Variants in SCN2A observed in about 807,000 individuals in gnomAD.
SCN2A encodes sodium voltage-gated channel alpha subunit 2, also known as sodium channel protein type 2 subunit alpha.
A neutral mutation model predicts 188.7 loss-of-function variants in SCN2A; 20 were observed. That is an observed-to-expected ratio of 0.11 (90% confidence interval 0.07 to 0.15). The LOEUF (loss-of-function observed/expected upper bound fraction) is 0.15. Ranked by LOEUF, SCN2A falls within the 10% of genes least tolerant of loss-of-function variation. The pLI is 1.00. For synonymous variants in SCN2A, 804 were observed against 833.1 expected (o/e 0.97, Z 0.60); for missense variants, 1,278 against 2,445.0 (o/e 0.52, Z 10.07).
At chr2:165,268,495 T>TA (rs1354679884) in intron 1 of SCN2A, 1 of 151,772 alleles carries the variant, frequency 6.6e-6, no homozygotes, top group African/African-American at 2.4e-5. Flanking sequence ...CCCTTTATGG[T>TA]AAAAAATCCT....
intron 6 of SCN2A, among the ~76,000 whole-genome samples, chr2:165,309,904 A>G (rs966617616): frequency 6.6e-6 from 1 of 152,168 alleles, no homozygotes; most frequent in African/African-American, 2.4e-5. Context: ...ATTCACAAAT[A>G]TATAACCTCA....
At chr2:165,282,085 TCTG>T (rs1695607205) in intron 1 of SCN2A, among the ~76,000 whole-genome samples, 1 of 152,160 alleles carries the variant, frequency 6.6e-6, no homozygotes, top group African/African-American at 2.4e-5. Flanking sequence ...ATGTCTGTGT[TCTG>T]CTGCCCTTAA....
At position 165,291,525 on chromosome 2, in the gene SCN2A, T is replaced by C. The variant is rs533605718; in HGVS notation, c.-51-4248T>C. On this transcript the variant is annotated intron_variant, in intron 1 of 26. Coordinates refer to ENST00000375437, the MANE Select transcript of SCN2A (RefSeq NM_001040142.2). Reference sequence around the variant, plus strand: ...TTTCTTTCTTTCTTCCTCTCCTTTCTTTCCTTCCTTCCTTCCTTCCTTCCT... The same window carrying C: ...TTTCTTTCTTTCTTCCTCTCCTTTCCTTCCTTCCTTCCTTCCTTCCTTCCT... Among the ~76,000 whole-genome samples, 37 of 58,598 alleles carry C rather than the reference T, an allele frequency of 6.3e-4. 3 individuals carry two copies. Among genetic ancestry groups the C allele is most frequent in the African/African-American group, 2.4e-3 (30 of 12,586 alleles). The allele number at this position is 58,598 out of a possible 152,430, so 38.4% of individuals were successfully genotyped here.
At chr2:165,254,913 A>G (rs1407233969) in intron 1 of SCN2A, among the ~76,000 whole-genome samples, 1 of 151,796 alleles carries the variant, frequency 6.6e-6, no homozygotes, top group Non-Finnish European at 1.5e-5. Context: ...ATTTGTGTTG[A>G]GATATGTTTT....
In SCN2A at chr2:165,326,925, A is replaced by T; in HGVS notation, c.2090A>T (p.Asp697Val). Residue 697 changes from aspartate to valine, a missense_variant, in exon 13 of 27, where the codon GAT becomes GTT. Asp to Val is a radical substitution (Grantham distance 152, BLOSUM62 -3). This residue lies in a region of SCN2A where 315 missense variants were observed against 386.6 expected (regional missense o/e 0.81). Coordinates refer to ENST00000375437, the MANE Select transcript of SCN2A (RefSeq NM_001040142.2). The part of the protein sequence containing the change: ...SYHVSMDLLE[D>V]PTSRQRAMSI... ...CATGTTTCCATGGATTTATTGGAAG[A>T]TCCTACATCAAGGCAAAGAGCAATG... 6.2e-7 allele frequency: 1 copy of T among 1,614,030 alleles called. No individual in the cohort carries two copies. The highest frequency in any genetic ancestry group is 2.2e-5 in the East Asian group (1 of 44,856).
intron 1 of SCN2A, among the ~76,000 whole-genome samples, chr2:165,280,427 T>C (rs1013710417): frequency 6.6e-6 from 1 of 152,192 alleles, no homozygotes; most frequent in East Asian, 1.9e-4. Flanking sequence ...TTGTTATCTC[T>C]GTGTCACTCT....
chr2:165,370,341 T>C, intron 20 of SCN2A, 42 bp downstream of exon 20: 3 of 1,601,102 alleles, frequency 1.9e-6, no homozygotes, highest in Admixed American at 1.7e-5. Flanking sequence ...TTGGCATATA[T>C]GTAATAGTTC....
At chr2:165,291,296 G>A (rs1017631584) in intron 1 of SCN2A, among the ~76,000 whole-genome samples, 8 of 150,838 alleles carry the variant, frequency 5.3e-5, no homozygotes, top group South Asian at 2.1e-4. Flanking sequence ...TGCCTGCTTC[G>A]GCCTCCCAGA....
chr2:165,328,978 A>C (rs901728343), intron 13 of SCN2A, among the ~76,000 whole-genome samples: 3 of 148,236 alleles, frequency 2.0e-5, no homozygotes, highest in Admixed American at 6.8e-5. Flanking sequence ...AGCAGACTTA[A>C]GATAGTCCTT....
chr2:165,291,556 CCTTCCTTCCTTCCTTCCTT>C (rs1696191434), intron 1 of SCN2A, among the ~76,000 whole-genome samples: 1 of 116,152 alleles, frequency 8.6e-6, no homozygotes, highest in Non-Finnish European at 1.8e-5. Flanking sequence ...TTCCTTCCTT[CCTTCCTTCCTTCCTTCCTT>C]TCTCTCTCTC....
In SCN2A at chr2:165,370,176, A is replaced by T. The variant is rs1553591763; in HGVS notation, c.3726A>T (p.Leu1242Phe). The change falls in exon 20 of 27, where the codon TTA (leucine) becomes TTT (phenylalanine). Residue 1242 changes from leucine (L) to phenylalanine (F), a missense_variant. Leu to Phe is a conservative substitution (Grantham distance 22). Transcript: ENST00000375437. ...IEQRKTIKTMLEYADKVFTYI... is the reference protein window; with the variant it reads ...IEQRKTIKTMFEYADKVFTYI... ...AGCGAAAAACCATTAAGACCATGTT[A>T]GAATATGCTGACAAGGTTTTCACTT... The T allele has an allele frequency of 1.2e-6, 2 of 1,614,170 alleles. No individual in the cohort carries two copies. The highest frequency in any genetic ancestry group is 1.7e-6 in the Non-Finnish European group (2 of 1,179,992).
intron 19 of SCN2A, among the ~76,000 whole-genome samples, chr2:165,367,696 G>A (rs10930160): frequency 0.42 from 64,505 of 152,076 alleles, 13,904 homozygotes; most frequent in East Asian, 0.54. Context: ...CTAAATATCA[G>A]ACTGAAGCAC....
intron 1 of SCN2A, among the ~76,000 whole-genome samples, chr2:165,292,492 C>T (rs1272143859): frequency 2.0e-5 from 3 of 152,066 alleles, no homozygotes; most frequent in African/African-American, 7.2e-5. Flanking sequence ...CCTATACCCA[C>T]TTATAGTCCA....
chr2:165,245,252 T>C (rs988024116), intron 1 of SCN2A: 1 of 152,166 alleles, frequency 6.6e-6, no homozygotes, highest in African/African-American at 2.4e-5. Context: ...TGGGAGATAA[T>C]TTAATCACGG....
At chr2:165,355,631 A>G (rs1700140987) in intron 17 of SCN2A, among the ~76,000 whole-genome samples, 1 of 152,142 alleles carries the variant, frequency 6.6e-6, no homozygotes, top group Admixed American at 6.6e-5. Flanking sequence ...TCTATTCCTG[A>G]TGTCGGGAAA....
At chr2:165,323,069 T>C (rs1698155600) in intron 11 of SCN2A, 87 bp from the exon 12 acceptor site, 12 of 1,252,200 alleles carry the variant, frequency 9.6e-6, no homozygotes, top group African/African-American at 1.5e-5. Flanking sequence ...TCAATGACTA[T>C]GACACAATGA....
At position 165,386,653 on chromosome 2, in the gene SCN2A, G is replaced by A. The variant is rs1273635208; in HGVS notation, c.4552-93G>A. 18 of 1,284,754 alleles carry A rather than the reference G, an allele frequency of 1.4e-5. 1 individual carries two copies. Among genetic ancestry groups the A allele is most frequent in the Non-Finnish European group, 1.8e-5 (17 of 920,522 alleles). 79.6% of individuals were successfully genotyped at this position (1,284,754 alleles called of 1,614,324 possible). Reference sequence around the variant, plus strand: ...GGATTAAAGATGTGTTTTTATAAAAGCTACATTTTTTGTTGCTTTCTTAAA... The same window carrying A: ...GGATTAAAGATGTGTTTTTATAAAAACTACATTTTTTGTTGCTTTCTTAAA... On this transcript the variant is annotated intron_variant, in intron 25 of 26. Coordinates refer to ENST00000375437, the MANE Select transcript of SCN2A (RefSeq NM_001040142.2).
intron 1 of SCN2A, among the ~76,000 whole-genome samples, chr2:165,247,977 A>G (rs1406875864): frequency 6.6e-6 from 1 of 152,058 alleles, no homozygotes; most frequent in Non-Finnish European, 1.5e-5. Flanking sequence ...CTCTAGTATC[A>G]TCCTTGATTA....
chr2:165,346,667 G>A (rs565790421), intron 16 of SCN2A, among the ~76,000 whole-genome samples: 1 of 152,188 alleles, frequency 6.6e-6, no homozygotes, highest in South Asian at 2.1e-4. Context: ...GAGTGAACAG[G>A]CAACCTACAG....
Sources: gnomAD v4.1 joint callset for allele counts (sites outside exome capture counted in the v4.1 genomes callset) on GRCh38, gnomAD v4.1.1 for gene constraint, gnomAD v4.1.1 regional missense constraint, MANE v1.5 for transcripts, NCBI Gene and HGNC (gene_info 2026-07-23, HGNC 2026-07-21) for gene names.